The following FARP1 variants were observed in gnomAD, a reference collection of about 807,000 sequenced individuals.
The protein encoded by FARP1 is FERM, ARH/RhoGEF and pleckstrin domain protein 1.
In FARP1, 52 loss-of-function variants were observed where a neutral mutation model predicts 128.8. The ratio of observed to expected loss-of-function variants is 0.40; its 90% CI spans 0.32 to 0.51. FARP1 has a LOEUF of 0.51. Among genes scored for constraint, FARP1 ranks in the 20% least tolerant of loss-of-function variants. The pLI is 0.45. For missense variants in FARP1, 1,333 were observed against 1,367.9 expected, an observed-to-expected ratio of 0.97 and a Z score of 0.40; for synonymous variants, 580 against 551.8, an observed-to-expected ratio of 1.05 and a Z score of -0.72.
intron 2 of FARP1, among the ~76,000 whole-genome samples, chr13:98,251,700 A>T (rs1883333712): frequency 6.6e-6 from 1 of 152,064 alleles, no homozygotes; most frequent in South Asian, 2.1e-4. Flanking sequence ...AAAAAAAGAA[A>T]AAAAAGTCCC....
rs747740934 is a variant in FARP1, at chr13:98,440,051, G to C, written c.2516+8G>C. On this transcript the variant is annotated splice_region_variant and intron_variant, in intron 22 of 26. Transcript: ENST00000319562. ...CATCATCGTGGCCGCCAGGTAACTC[G>C]GGAGCCCGCCCCTTGCCTGTTTCCC... 1 of 1,608,160 alleles carries C rather than the reference G, an allele frequency of 6.2e-7. No homozygotes were observed. Among genetic ancestry groups the C allele is most frequent in the Non-Finnish European group, 8.5e-7 (1 of 1,175,202 alleles).
At chr13:98,361,616 G>A (rs1466213969) in intron 3 of FARP1, among the ~76,000 whole-genome samples, 1 of 152,122 alleles carries the variant, frequency 6.6e-6, no homozygotes, top group Non-Finnish European at 1.5e-5. Flanking sequence ...TGACAGTTTG[G>A]AAACTTCTCC....
chr13:98,153,356 T>A (rs1296497556), intron 1 of FARP1, among the ~76,000 whole-genome samples: 1 of 36,304 alleles, frequency 2.8e-5, no homozygotes, highest in African/African-American at 4.0e-5. Context: ...TATATAAAAA[T>A]ATATAAAATA....
At chr13:98,216,036 G>A (rs1429319017) in intron 2 of FARP1, among the ~76,000 whole-genome samples, 9 of 152,104 alleles carry the variant, frequency 5.9e-5, no homozygotes, top group African/African-American at 2.2e-4. Flanking sequence ...TGATCCGTCC[G>A]CCTTGGCCTC....
At chr13:98,440,460 G>A (rs1892477924) in intron 23 of FARP1, among the ~76,000 whole-genome samples, 1 of 151,208 alleles carries the variant, frequency 6.6e-6, no homozygotes, top group Admixed American at 6.6e-5. Context: ...CCCTTGTCCA[G>A]GGAGAGAACA....
intron 1 of FARP1, among the ~76,000 whole-genome samples, chr13:98,179,718 G>A (rs769928955): frequency 1.4e-4 from 22 of 151,954 alleles, no homozygotes; most frequent in Non-Finnish European, 2.6e-4. Context: ...TTAGCTGGGC[G>A]TGGTGGCGGG....
chr13:98,393,522 A>G (rs984849230), intron 11 of FARP1, 121 bp from the exon 12 acceptor site: 36 of 720,814 alleles, frequency 5.0e-5, no homozygotes, highest in East Asian at 2.2e-4. Context: ...GGCTCTGGGT[A>G]CCATCATTAT....
At chr13:98,162,812 A>G (rs1390459401) in intron 1 of FARP1, among the ~76,000 whole-genome samples, 3 of 152,176 alleles carry the variant, frequency 2.0e-5, no homozygotes, top group Non-Finnish European at 2.9e-5. Context: ...TTAAAAACAA[A>G]TACCCATTTA....
At chr13:98,175,809 C>G (rs538246834) in intron 1 of FARP1, 6 of 239,380 alleles carry the variant, frequency 2.5e-5, no homozygotes, top group Non-Finnish European at 4.8e-5. Flanking sequence ...GTTTATTTCA[C>G]TTAGCAGTGT....
intron 16 of FARP1, among the ~76,000 whole-genome samples, chr13:98,420,182 G>T (rs1287771811): frequency 6.6e-6 from 1 of 152,168 alleles, no homozygotes; most frequent in Non-Finnish European, 1.5e-5. Flanking sequence ...TGACCCTGAG[G>T]TTGGGATGGT....
At chr13:98,417,243 G>T (rs1333809553) in intron 16 of FARP1, among the ~76,000 whole-genome samples, 1 of 152,078 alleles carries the variant, frequency 6.6e-6, no homozygotes, top group African/African-American at 2.4e-5. Context: ...GGAAATGTGG[G>T]TCCCAGGCTT....
At chr13:98,377,113 C>A (rs113373309) in intron 5 of FARP1, among the ~76,000 whole-genome samples, 1 of 151,764 alleles carries the variant, frequency 6.6e-6, no homozygotes, top group South Asian at 2.1e-4. Context: ...CCATCCTGGC[C>A]AACATGGTGA....
At chr13:98,292,493 T>C (rs1449780685) in intron 2 of FARP1, among the ~76,000 whole-genome samples, 3 of 152,224 alleles carry the variant, frequency 2.0e-5, no homozygotes, top group Non-Finnish European at 2.9e-5. Flanking sequence ...AGTGCAACAT[T>C]CAATACAGTA....
chr13:98,185,420 C>A (rs960304974), intron 1 of FARP1, among the ~76,000 whole-genome samples: 2 of 152,034 alleles, frequency 1.3e-5, no homozygotes, highest in Non-Finnish European at 2.9e-5. Flanking sequence ...GTCGTTTTGT[C>A]CTAGATCTTT....
Position 98,176,591 on chromosome 13 carries a change from C to A in FARP1, c.-24+33099C>A. ...CACCCGAGCTTGTAATCGGAACGGT[C>A]GTGGAGGAATTTGCAGCTGTCCCCG... On this transcript the variant is annotated intron_variant, in intron 1 of 26. Coordinates refer to ENST00000319562, the MANE Select transcript of FARP1 (RefSeq NM_005766.4). The surrounding 1 kb of genome is among the most constrained non-coding windows in gnomAD (Gnocchi z 6.2). 1 of 1,614,196 alleles carries A rather than the reference C, an allele frequency of 6.2e-7. No individual in the cohort carries two copies. The highest frequency in any genetic ancestry group is 8.5e-7 in the Non-Finnish European group (1 of 1,180,038).
chr13:98,416,361 T>C (rs975360508), intron 16 of FARP1, among the ~76,000 whole-genome samples: 26 of 152,214 alleles, frequency 1.7e-4, no homozygotes, highest in African/African-American at 4.3e-4. Context: ...GAGACTGCAA[T>C]ATACTTCCAT....
At chr13:98,220,825 C>A (rs1475074181) in intron 2 of FARP1, among the ~76,000 whole-genome samples, 1 of 151,620 alleles carries the variant, frequency 6.6e-6, no homozygotes, top group Admixed American at 6.6e-5. Flanking sequence ...GATATGCTTG[C>A]AGTAATTCTT....
rs1377036641 is a variant in FARP1 at position 98,332,029 on chromosome 13, A to T, written c.172-11733A>T. On this transcript the variant is annotated intron_variant, in intron 2 of 26. Transcript: ENST00000319562. ...TTACCAGTCCATTTTGTAGATTGTC[A>T]GTATTTTCGGATATGCTTTTTTCCC... Among the ~76,000 whole-genome samples, 4 of 152,122 alleles carry T rather than the reference A, an allele frequency of 2.6e-5. No individual in the cohort carries two copies. The East Asian group carries it at 5.8e-4, about 22-fold the overall frequency.
Position 98,297,145 on chromosome 13 carries a change from C to T in FARP1, c.172-46617C>T, listed in dbSNP as rs192887081. 1.9e-3 allele frequency among the ~76,000 whole-genome samples: 291 copies of T among 152,226 alleles called. 1 individual carries two copies. The highest frequency in any genetic ancestry group is 2.5e-3 in the Non-Finnish European group (168 of 68,012). Reference sequence around the variant, plus strand: ...GTCTGGTTGCCCTCAGGGGAGATGCCGGATTGTTCCCATAGGAAGATAGGC... The same window carrying T: ...GTCTGGTTGCCCTCAGGGGAGATGCTGGATTGTTCCCATAGGAAGATAGGC... On this transcript the variant is annotated intron_variant, in intron 2 of 26. Transcript: ENST00000319562.
Sources: allele counts gnomAD v4.1 joint callset (sites outside exome capture counted in the v4.1 genomes callset), GRCh38; gene constraint gnomAD v4.1.1; non-coding constraint Gnocchi (gnomAD v3.1); transcripts MANE v1.5; gene names NCBI Gene and HGNC (gene_info 2026-07-23, HGNC 2026-07-21).